TEX11: variants seen among roughly 807,000 people sequenced by gnomAD.
TEX11 encodes testis expressed 11, also known as testis-expressed protein 11.
In TEX11, 7 loss-of-function variants were observed where a neutral mutation model predicts 84.4. The ratio of observed to expected loss-of-function variants is 0.08; its 90% CI spans 0.05 to 0.16. The LOEUF (loss-of-function observed/expected upper bound fraction) is 0.16. TEX11 is among the 10% of genes least tolerant of loss of function. The probability of loss-of-function intolerance (pLI) is 1.00; values close to 1 mark genes in which losing one functional copy is unlikely to be tolerated. For missense variants in TEX11, 551 were observed against 660.5 expected, an observed-to-expected ratio of 0.83 and a Z score of 1.82; for synonymous variants, 264 against 222.8, an observed-to-expected ratio of 1.18 and a Z score of -1.64.
At chrX:70,638,261 C>T (rs1053069093) in intron 17 of TEX11, among the ~76,000 whole-genome samples, 1 of 111,049 alleles carries the variant, frequency 9.0e-6, no homozygotes, top group Admixed American at 9.5e-5. Context: ...CAGCATATCA[C>T]ATATAAAGGA....
chrX:70,862,681 A>G (rs2091576524), intron 4 of TEX11, among the ~76,000 whole-genome samples: 1 of 108,068 alleles, frequency 9.3e-6, no homozygotes, highest in Non-Finnish European at 1.9e-5. Context: ...AGGTGGGTAA[A>G]TCACCTGAGC....
rs2090611653 is a variant in TEX11, at chrX:70,727,858, AT to A, written c.844-2516del. Among the ~76,000 whole-genome samples the A allele has an allele frequency of 1.1e-4, 12 of 111,784 alleles. No homozygotes were observed. The South Asian group carries it at 4.5e-3, about 42-fold the overall frequency. ...CCCACCAGGAACCAAAAAGGCTGGT[AT>A]TTTGATCTTGGACATCTCAGTCCCT... On this transcript the variant is annotated intron_variant, in intron 11 of 29. Coordinates refer to ENST00000374333, the MANE Select transcript of TEX11 (RefSeq NM_031276.3).
chrX:70,733,480 C>G (rs2090670960), intron 11 of TEX11, among the ~76,000 whole-genome samples: 1 of 111,337 alleles, frequency 9.0e-6, no homozygotes, highest in Non-Finnish European at 1.9e-5. Flanking sequence ...ACCCCATCAA[C>G]AAGTTGGTGA....
intron 25 of TEX11, among the ~76,000 whole-genome samples, chrX:70,585,851 G>T (rs758422320): frequency 1.6e-4 from 18 of 112,040 alleles, no homozygotes; most frequent in Non-Finnish European, 3.4e-4. Context: ...TCAGGAGTTC[G>T]AGACCAGCCT....
intron 8 of TEX11, among the ~76,000 whole-genome samples, chrX:70,822,395 A>T (rs2091322456): frequency 9.0e-6 from 1 of 111,275 alleles, no homozygotes; most frequent in Non-Finnish European, 1.9e-5. Flanking sequence ...ATATGGAAAC[A>T]ACCTAATACC....
intron 15 of TEX11, among the ~76,000 whole-genome samples, chrX:70,678,297 C>T (rs2090092024): frequency 9.1e-6 from 1 of 110,443 alleles, no homozygotes; most frequent in South Asian, 3.9e-4. Flanking sequence ...TGGAAGCAAA[C>T]ACAACTTTTT....
At chrX:70,649,544 A>C (rs1274473213) in intron 17 of TEX11, among the ~76,000 whole-genome samples, 1 of 112,329 alleles carries the variant, frequency 8.9e-6, no homozygotes, top group Non-Finnish European at 1.9e-5. Flanking sequence ...TTTCTAATAA[A>C]GTTAAACATG....
chrX:70,780,384 G>A (rs1000908747), intron 9 of TEX11, among the ~76,000 whole-genome samples: 13 of 112,874 alleles, frequency 1.2e-4, no homozygotes, highest in African/African-American at 3.5e-4. Flanking sequence ...AGCGCCCAGC[G>A]TGATCGACGC....
At chrX:70,638,509 A>C (rs939956503) in intron 17 of TEX11, among the ~76,000 whole-genome samples, 1 of 111,431 alleles carries the variant, frequency 9.0e-6, no homozygotes. Context: ...TTGAAAAGAT[A>C]AACAAAATCA....
At chrX:70,720,384 G>C in intron 13 of TEX11, among the ~76,000 whole-genome samples, 2 of 110,746 alleles carry the variant, frequency 1.8e-5, no homozygotes, top group South Asian at 7.8e-4. Flanking sequence ...TGGGAGAAGG[G>C]GGTAGGGATA....
intron 15 of TEX11, among the ~76,000 whole-genome samples, chrX:70,677,233 T>C (rs1283969969): frequency 8.9e-6 from 1 of 111,775 alleles, no homozygotes; most frequent in Non-Finnish European, 1.9e-5. Context: ...TTTCACACCA[T>C]AGGTTTATAA....
intron 11 of TEX11, among the ~76,000 whole-genome samples, chrX:70,736,220 A>G (rs183393222): frequency 2.7e-5 from 3 of 111,276 alleles, no homozygotes; most frequent in Non-Finnish European, 5.7e-5. Context: ...GCACTAATAC[A>G]TTTTCAAAGG....
chrX:70,804,317 T>C (rs1203013578), intron 9 of TEX11, among the ~76,000 whole-genome samples: 3 of 112,451 alleles, frequency 2.7e-5, no homozygotes, highest in African/African-American at 9.7e-5. Flanking sequence ...ACTAAGGTCT[T>C]AGATGACAAC....
At chrX:70,776,053 A>C (rs2091000044) in intron 9 of TEX11, among the ~76,000 whole-genome samples, 1 of 52,671 alleles carries the variant, frequency 1.9e-5, no homozygotes, top group African/African-American at 4.5e-5. Context: ...ATTTCTCAGA[A>C]AAAAAAAAAA....
intron 3 of TEX11, among the ~76,000 whole-genome samples, chrX:70,877,968 G>A (rs187378515): frequency 6.6e-4 from 73 of 110,841 alleles, no homozygotes; most frequent in Non-Finnish European, 1.0e-3. Context: ...GATAATAGCT[G>A]CACAATGTGA....
intron 25 of TEX11, among the ~76,000 whole-genome samples, chrX:70,588,502 C>T (rs1475115756): frequency 4.5e-5 from 5 of 111,496 alleles, no homozygotes; most frequent in South Asian, 3.8e-4. Flanking sequence ...GCTTCCCCTT[C>T]GCCTTCTGCC....
intron 13 of TEX11, among the ~76,000 whole-genome samples, chrX:70,711,209 T>C (rs1335264913): frequency 9.0e-6 from 1 of 111,674 alleles, no homozygotes; most frequent in African/African-American, 3.3e-5. Context: ...TTGGGTTGGT[T>C]CCAAGTCTTT....
chrX:70,633,713 T>C (rs1316742266), intron 17 of TEX11, among the ~76,000 whole-genome samples: 1 of 109,913 alleles, frequency 9.1e-6, no homozygotes, highest in East Asian at 2.9e-4. Flanking sequence ...AGGCCAGGAG[T>C]TCGAGACCAG....
intron 13 of TEX11, among the ~76,000 whole-genome samples, chrX:70,688,952 G>A (rs1390311050): frequency 9.1e-6 from 1 of 109,657 alleles, no homozygotes; most frequent in African/African-American, 3.3e-5. Flanking sequence ...CTGGAAATAA[G>A]TAGAGTCTGT....
Sources: gnomAD v4.1 joint callset for allele counts (sites outside exome capture counted in the v4.1 genomes callset) on GRCh38, gnomAD v4.1.1 for gene constraint, MANE v1.5 for transcripts, NCBI Gene and HGNC (gene_info 2026-07-23, HGNC 2026-07-21) for gene names.